The following EIF4ENIF1 variants were observed in gnomAD, a reference collection of about 807,000 sequenced individuals.
EIF4ENIF1 encodes the protein eukaryotic translation initiation factor 4E nuclear import factor 1.
In EIF4ENIF1, 23 loss-of-function variants were observed where a neutral mutation model predicts 110.5. The ratio of observed to expected loss-of-function variants is 0.21; its 90% CI spans 0.15 to 0.29. The LOEUF (loss-of-function observed/expected upper bound fraction) is 0.29, where lower values mean the gene tolerates loss of function less well. Among genes scored for constraint, EIF4ENIF1 ranks in the 10% least tolerant of loss-of-function variants. The pLI, the probability that EIF4ENIF1 is intolerant of heterozygous loss-of-function variation, is 1.00. For synonymous variants in EIF4ENIF1, 440 were observed against 437.0 expected, an observed-to-expected ratio of 1.01 and a Z score of -0.09; for missense variants, 1,031 against 1,221.1, an observed-to-expected ratio of 0.84 and a Z score of 2.32.
chr22:31,453,087 A>G (rs1433470863), intron 10 of EIF4ENIF1, among the ~76,000 whole-genome samples: 2 of 152,222 alleles, frequency 1.3e-5, no homozygotes, highest in African/African-American at 4.8e-5. Context: ...CTTAGCAACT[A>G]GAATAAGTCC....
At chr22:31,486,800 G>C (rs1427841766) in intron 2 of EIF4ENIF1, among the ~76,000 whole-genome samples, 1 of 152,156 alleles carries the variant, frequency 6.6e-6, no homozygotes, top group African/African-American at 2.4e-5. Context: ...TACTGGAACG[G>C]CTGGGCGCAG....
In EIF4ENIF1 at chr22:31,458,555, C is replaced by G. The variant is rs1208491249; in HGVS notation, c.883G>C (p.Ala295Pro). ...PAADQEVPRD[A>P]VLPEQSPGDF... is the part of the protein sequence containing the mutation. Reference sequence around the variant, plus strand: ...CCTGGGGACTGCTCAGGCAAGACAGCATCCCTTGGCACTTCCTGATCAGCC... The same window carrying G: ...CCTGGGGACTGCTCAGGCAAGACAGGATCCCTTGGCACTTCCTGATCAGCC... The change falls in exon 7 of 19, where the codon GCT becomes CCT. Residue 295 changes from alanine (A) to proline (P), a missense_variant. Physicochemically the swap from Ala to Pro is conservative, Grantham distance 27. Coordinates refer to ENST00000330125, the MANE Select transcript of EIF4ENIF1 (RefSeq NM_019843.4). 7 of 1,613,886 alleles carry G rather than the reference C, an allele frequency of 4.3e-6. No homozygotes were observed. In the Middle Eastern group the frequency reaches 6.6e-4, roughly 152 times the overall value.
Position 31,468,218 on chromosome 22 carries a change from T to C in EIF4ENIF1, c.255A>G (p.Lys85=). 1 of 1,614,182 alleles carries C rather than the reference T, an allele frequency of 6.2e-7. No homozygotes were observed. The highest frequency in any genetic ancestry group is 8.5e-7 in the Non-Finnish European group (1 of 1,180,034). The change falls in exon 4 of 19, where the codon AAA becomes AAG. Residue 85 remains lysine, a synonymous_variant. Transcript: ENST00000330125. ...GGGAAGGCCGGTCTGTATCCAACTCTTTCTTCAGACTTTCCACTGGTGAGC... is the reference window on the plus strand; with the variant it reads ...GGGAAGGCCGGTCTGTATCCAACTCCTTCTTCAGACTTTCCACTGGTGAGC... ...GRSSPVESLK[K]ELDTDRPSLV... is the part of the protein sequence containing the mutation.
At chr22:31,462,549 G>A (rs2051031403) in intron 6 of EIF4ENIF1, among the ~76,000 whole-genome samples, 1 of 151,514 alleles carries the variant, frequency 6.6e-6, no homozygotes, top group African/African-American at 2.4e-5. Context: ...CTATACATCT[G>A]GTGCCCATTC....
At chr22:31,461,968 G>A (rs1295095347) in intron 6 of EIF4ENIF1, among the ~76,000 whole-genome samples, 1 of 152,132 alleles carries the variant, frequency 6.6e-6, no homozygotes, top group African/African-American at 2.4e-5. Context: ...AGGTCATTAG[G>A]AGATGAAGGA....
chr22:31,443,028 CCTT>C lies in EIF4ENIF1; in HGVS notation c.2137_2139del (p.Lys713del). On this transcript the variant is annotated inframe_deletion, in exon 16 of 19. Coordinates refer to ENST00000330125, the MANE Select transcript of EIF4ENIF1 (RefSeq NM_019843.4). The stretch of plus-strand genomic sequence containing the variant: ...GCTGCTTTTCCAGATGCTGGCTCCT[CCTT>C]GCTTTTCTCTTTGCTCTCGTACATC... The C allele has an allele frequency of 6.2e-7, 1 of 1,614,180 alleles. No individual in the cohort carries two copies. Among genetic ancestry groups the C allele is most frequent in the Admixed American group, 1.7e-5 (1 of 60,020 alleles).
rs1281323866 is a variant in EIF4ENIF1 at position 31,449,364 on chromosome 22, T to G, written c.1752A>C (p.Arg584Ser). 6 of 1,613,620 alleles carry G rather than the reference T, an allele frequency of 3.7e-6. No homozygotes were observed. The highest frequency in any genetic ancestry group is 5.1e-6 in the Non-Finnish European group (6 of 1,179,904). The change falls in exon 12 of 19, where the codon AGA becomes AGC. Residue 584 changes from arginine to serine, a missense_variant. This residue lies in a region of EIF4ENIF1 where 704 missense variants were observed against 879.7 expected (regional missense o/e 0.80). Coordinates refer to ENST00000330125, the MANE Select transcript of EIF4ENIF1 (RefSeq NM_019843.4). ...RAASADYLRP[R>S]IPSPIGFTPG... ...TATATTTACCAATTGGTGATGGTAT[T>G]CTTGGGCGAAGGTAGTCAGCTGAGG...
Position 31,463,776 on chromosome 22 carries a change from G to A in EIF4ENIF1, c.490C>T (p.Arg164Trp), listed in dbSNP as rs1305963946. The A allele has an allele frequency of 2.5e-6, 4 of 1,613,506 alleles. No individual in the cohort carries two copies. The highest frequency in any genetic ancestry group is 3.4e-6 in the Non-Finnish European group (4 of 1,179,982). The stretch of plus-strand genomic sequence containing the variant: ...AGACGGTGATCCTTCTCAAAGGTCC[G>A]GGCAGAGATTATCCTCCCACTGCCA... ...RIGSGRIISA[R>W]TFEKDHRLSD... Residue 164 changes from arginine to tryptophan, a missense_variant, in exon 5 of 19, where the codon CGG becomes TGG. Physicochemically the swap from Arg to Trp is moderately radical, Grantham distance 101 (BLOSUM62 -3). Transcript: ENST00000330125.
upstream of EIF4ENIF1, among the ~76,000 whole-genome samples, chr22:31,492,562 G>A (rs905062014): frequency 1.3e-5 from 2 of 152,074 alleles, no homozygotes; most frequent in Admixed American, 1.3e-4. Flanking sequence ...GTCTCACTCT[G>A]TCCTTATAGA....
At chr22:31,448,558 C>T (rs539261606) in intron 12 of EIF4ENIF1, among the ~76,000 whole-genome samples, 8 of 152,352 alleles carry the variant, frequency 5.3e-5, no homozygotes, top group African/African-American at 1.7e-4. Context: ...CACCATTGCT[C>T]TGAGAATACA....
upstream of EIF4ENIF1, among the ~76,000 whole-genome samples, chr22:31,491,821 G>A (rs1002453595): frequency 2.6e-5 from 4 of 152,140 alleles, no homozygotes; most frequent in African/African-American, 9.7e-5. Flanking sequence ...GGGATTACAG[G>A]CATGAGCCAC....
chr22:31,444,533 C>G, intron 15 of EIF4ENIF1, 73 bp downstream of exon 15: 2 of 1,419,628 alleles, frequency 1.4e-6, no homozygotes, highest in South Asian at 1.1e-5. Context: ...TTAGGGCACA[C>G]AGTGGTACAA....
intron 10 of EIF4ENIF1, chr22:31,450,844 TACACACACACACACAC>T (rs372740127): frequency 1.1e-3 from 134 of 121,106 alleles, no homozygotes; most frequent in African/African-American, 2.9e-3. Context: ...ATATATATAC[TACACACACACACACAC>T]ACACACACAC....
rs538756299 is a variant in EIF4ENIF1 at position 31,475,883 on chromosome 22, C to T, written c.97-3966G>A. On this transcript the variant is annotated intron_variant, in intron 2 of 18. Coordinates refer to ENST00000330125, the MANE Select transcript of EIF4ENIF1 (RefSeq NM_019843.4). ...AAAAAGAAAAAAACAAAACACACCA[C>T]GGGAGACTCCAGAGAAATCTTCAGG... Among the ~76,000 whole-genome samples, 24 of 150,736 alleles carry T rather than the reference C, an allele frequency of 1.6e-4. 1 individual carries two copies. The South Asian group carries it at 4.4e-3, about 28-fold the overall frequency.
intron 3 of EIF4ENIF1, among the ~76,000 whole-genome samples, chr22:31,470,375 G>T (rs1472197418): frequency 6.6e-6 from 1 of 151,278 alleles, no homozygotes; most frequent in Non-Finnish European, 1.5e-5. Flanking sequence ...CCACCTCCCG[G>T]GTTCAAGCGA....
rs1332187474 is a variant in EIF4ENIF1 at position 31,477,362 on chromosome 22, AAAAAAAAAAAAAC to A, written c.97-5458_97-5446del. Reference sequence around the variant, plus strand: ...CAGAACAAGACCTCTGTCTCCAAAAAAAAAAAAAAAAACAAAAAAAACAAAAAAAGAGAATTTG... The same window carrying A: ...CAGAACAAGACCTCTGTCTCCAAAAAAAAAAAAACAAAAAAAGAGAATTTG... On this transcript the variant is annotated intron_variant, in intron 2 of 18. Transcript: ENST00000330125. Among the ~76,000 whole-genome samples the A allele has an allele frequency of 2.1e-4, 21 of 98,934 alleles. 1 individual carries two copies. The Admixed American group carries it at 2.2e-3, about 10-fold the overall frequency. The allele number at this position is 98,934 out of a possible 152,430, so 64.9% of individuals were successfully genotyped here. A position where few individuals can be genotyped will look rare whatever the true frequency, so the allele number is the denominator to read the frequency against.
chr22:31,440,820 C>T lies in EIF4ENIF1; in HGVS notation c.2600G>A (p.Gly867Asp). 4.3e-6 allele frequency: 7 copies of T among 1,613,946 alleles called. No individual in the cohort carries two copies. Among genetic ancestry groups the T allele is most frequent in the Non-Finnish European group, 5.9e-6 (7 of 1,179,850 alleles). ...MDLSHLQGIS[G>D]PILGQPFYPL... ...GTAAAAGGGCTGACCCAGGATGGGG[C>T]CAGATATTCCCTGTAAATGACTCAA... The change falls in exon 18 of 19, where the codon GGC becomes GAC. Residue 867 changes from glycine to aspartate, a missense_variant. Physicochemically the swap from Gly to Asp is moderately conservative, Grantham distance 94 (BLOSUM62 -1). Around this residue, in one of 3 missense-constraint regions of EIF4ENIF1, gnomAD observed 309 missense variants for 299.1 expected, o/e 1.03. Coordinates refer to ENST00000330125, the MANE Select transcript of EIF4ENIF1 (RefSeq NM_019843.4).
intron 2 of EIF4ENIF1, chr22:31,479,352 T>C (rs905445465): frequency 2.0e-5 from 3 of 152,034 alleles, no homozygotes; most frequent in Non-Finnish European, 4.4e-5. Context: ...TGAGCCACCA[T>C]GCCTGGACAA....
intron 1 of EIF4ENIF1, 180 bp from the exon 2 acceptor site, chr22:31,488,925 C>A: frequency 4.4e-6 from 3 of 684,550 alleles, no homozygotes; most frequent in Non-Finnish European, 7.1e-6. Flanking sequence ...GTACTCAGTT[C>A]TCTTTCCTAG....
Sources: allele counts gnomAD v4.1 joint callset (sites outside exome capture counted in the v4.1 genomes callset), GRCh38; gene constraint gnomAD v4.1.1; regional missense constraint gnomAD v4.1.1; transcripts MANE v1.5; gene names NCBI Gene and HGNC (gene_info 2026-07-23, HGNC 2026-07-21).